The following ADARB1 variants were observed in gnomAD, a reference collection of about 807,000 sequenced individuals.
ADARB1 encodes adenosine deaminase RNA specific B1.
A neutral mutation model predicts 52.4 loss-of-function variants in ADARB1; 10 were observed. The ratio of observed to expected loss-of-function variants is 0.19; its 90% CI spans 0.12 to 0.32. The LOEUF (loss-of-function observed/expected upper bound fraction) is 0.32. Among genes scored for constraint, ADARB1 ranks in the 10% least tolerant of loss-of-function variants. The pLI is 1.00. For synonymous variants in ADARB1, 349 were observed against 371.1 expected (o/e 0.94, Z 0.68); for missense variants, 643 against 922.3 (o/e 0.70, Z 3.92).
chr21:45,131,199 T>C (rs1426319121), intron 2 of ADARB1, among the ~76,000 whole-genome samples: 1 of 152,234 alleles, frequency 6.6e-6, no homozygotes, highest in Non-Finnish European at 1.5e-5. Flanking sequence ...GCACTGCTGC[T>C]TTCACTCGGA....
chr21:45,138,778 A>G (rs756680900), intron 2 of ADARB1, among the ~76,000 whole-genome samples: 14 of 152,120 alleles, frequency 9.2e-5, no homozygotes, highest in Admixed American at 2.0e-4. Flanking sequence ...TGGTCATCCT[A>G]GAGACTGAGT....
At position 45,142,195 on chromosome 21, in the gene ADARB1, G is replaced by A. The variant is rs1044830120; in HGVS notation, c.-48+13622G>A. On this transcript the variant is annotated intron_variant, in intron 2 of 10. Transcript: ENST00000348831. The surrounding 1 kb of genome is among the most constrained non-coding windows in gnomAD (Gnocchi z 4.0). ...TATGCTACTGCAGCTAATTAAGGTC[G>A]CTCAATTCAAGTGTCTCCTTTTTTT... Among the ~76,000 whole-genome samples, 13 of 152,208 alleles carry A rather than the reference G, an allele frequency of 8.5e-5. No homozygotes were observed. Among genetic ancestry groups the A allele is most frequent in the East Asian group, 3.9e-4 (2 of 5,194 alleles).
Position 45,224,373 on chromosome 21 carries a change from T to C in ADARB1, c.*2176T>C. 1.0e-6 allele frequency: 1 copy of C among 985,434 alleles called. No individual in the cohort carries two copies. The highest frequency in any genetic ancestry group is 1.2e-6 in the Non-Finnish European group (1 of 830,086). The allele number at this position is 985,434 out of a possible 1,614,324, so 61.0% of individuals were successfully genotyped here. On this transcript the variant is annotated 3_prime_UTR_variant, in exon 11 of 11. Transcript: ENST00000348831. ...GGCCTGAGCAGCTACCTTGAGACCA[T>C]GTGAGGTGGCACCTTTCCGGGGTGG...
In ADARB1 at chr21:45,176,329, G is replaced by A; in HGVS notation, c.628G>A (p.Ala210Thr). ...FSSSGDLSLS[A>T]SPVPASLAQP... is the part of the protein sequence containing the mutation. ...TTCCAGCGGGGACCTCAGCTTGTCT[G>A]CTTCCCCGGTGCCTGCCAGCCTAGC... is the stretch of plus-strand genomic sequence containing the variant. Residue 210 changes from alanine to threonine, a missense_variant, in exon 4 of 11, where the codon GCT becomes ACT. Around this residue, in one of 2 missense-constraint regions of ADARB1, gnomAD observed 380 missense variants for 446.5 expected, o/e 0.85. Coordinates refer to ENST00000348831, the MANE Select transcript of ADARB1 (RefSeq NM_001112.4). The surrounding 1 kb of genome is among the most constrained non-coding windows in gnomAD (Gnocchi z 5.8). 6.2e-7 allele frequency: 1 copy of A among 1,613,998 alleles called. No individual in the cohort carries two copies. Among genetic ancestry groups the A allele is most frequent in the Non-Finnish European group, 8.5e-7 (1 of 1,179,912 alleles).
rs1003721080 is a variant in ADARB1, at chr21:45,128,020, C to T, written c.-219-382C>T. 6.6e-6 allele frequency among the ~76,000 whole-genome samples: 1 copy of T among 152,170 alleles called. No individual in the cohort carries two copies. Among genetic ancestry groups the T allele is most frequent in the Non-Finnish European group, 1.5e-5 (1 of 68,028 alleles). On this transcript the variant is annotated intron_variant, in intron 1 of 10. Transcript: ENST00000348831. The surrounding 1 kb of genome is among the most constrained non-coding windows in gnomAD (Gnocchi z 4.6). ...GGGATGGTGCGTCTCTGTATCTGGA[C>T]TCACATTCACATGTGTGCATGTGTA...
At chr21:45,130,210 A>G (rs529800347) in intron 2 of ADARB1, among the ~76,000 whole-genome samples, 1 of 152,352 alleles carries the variant, frequency 6.6e-6, no homozygotes, top group East Asian at 1.9e-4. Flanking sequence ...TATTTTTAAC[A>G]TGCCACAGAA....
intron 2 of ADARB1, among the ~76,000 whole-genome samples, chr21:45,140,232 T>C (rs1295141032): frequency 6.6e-6 from 1 of 152,146 alleles, no homozygotes; most frequent in African/African-American, 2.4e-5. Context: ...GTGTGCACTC[T>C]AATATATTCT....
intron 4 of ADARB1, among the ~76,000 whole-genome samples, chr21:45,178,295 A>T (rs938095503): frequency 2.0e-5 from 3 of 152,198 alleles, no homozygotes; most frequent in African/African-American, 7.2e-5. Context: ...GGCTGGAGGG[A>T]CATCTGTTGG....
chr21:45,078,937 G>C (rs2086050274), intron 1 of ADARB1, among the ~76,000 whole-genome samples: 2 of 152,150 alleles, frequency 1.3e-5, no homozygotes, highest in African/African-American at 4.8e-5. Flanking sequence ...GGAATACCTA[G>C]GCACAGAGTG....
In ADARB1 at chr21:45,220,676, G is replaced by A. The variant is rs374164628; in HGVS notation, c.1748-160G>A. On this transcript the variant is annotated intron_variant, in intron 9 of 10. Transcript: ENST00000348831. This position sits in a 1 kb window ranked among gnomAD's most constrained non-coding sequence, Gnocchi z 6.3. ...TGGAAGAGTGTGAGGCCACTGCCAC[G>A]GCAGATGCACGCTCAAGTCTGCGTA... is the stretch of plus-strand genomic sequence containing the variant. 1.4e-3 allele frequency among the ~76,000 whole-genome samples: 214 copies of A among 152,294 alleles called. 3 individuals are homozygous for A. In the South Asian group the frequency reaches 0.017, roughly 12 times the overall value.
At chr21:45,165,414 G>GA (rs34100162) in intron 2 of ADARB1, among the ~76,000 whole-genome samples, 9 of 152,156 alleles carry the variant, frequency 5.9e-5, no homozygotes, top group Middle Eastern at 3.4e-3. Flanking sequence ...CATTGCACTA[G>GA]AAAAAATGTG....
chr21:45,164,211 AT>A (rs910201000), intron 2 of ADARB1, among the ~76,000 whole-genome samples: 2 of 152,060 alleles, frequency 1.3e-5, no homozygotes, highest in Non-Finnish European at 2.9e-5. Context: ...GGATTGGTTT[AT>A]TTTTAGGAAA....
At chr21:45,074,852 G>T in intron 1 of ADARB1, 59 bp downstream of exon 1, 1 of 149,326 alleles carries the variant, frequency 6.7e-6, no homozygotes, top group South Asian at 1.9e-4. Context: ...ACCCCGCGGT[G>T]GCGGCGTTTA....
chr21:45,176,238 T>C lies in ADARB1; in HGVS notation c.537T>C (p.Gly179=). ...QADFPDTLFN[G]FETPDKAEPP... is the part of the protein sequence containing the mutation. ...ACTTCCCTGACACGCTCTTCAATGG[T>C]TTTGAAACTCCTGACAAGGCGGAGC... Residue 179 remains glycine, a synonymous_variant, in exon 4 of 11, where the codon GGT becomes GGC. Coordinates refer to ENST00000348831, the MANE Select transcript of ADARB1 (RefSeq NM_001112.4). This position sits in a 1 kb window ranked among gnomAD's most constrained non-coding sequence, Gnocchi z 5.8. The C allele has an allele frequency of 9.3e-6, 15 of 1,614,192 alleles. No individual in the cohort carries two copies. The highest frequency in any genetic ancestry group is 1.2e-5 in the Non-Finnish European group (14 of 1,180,030).
At chr21:45,141,543 G>C (rs1055489409) in intron 2 of ADARB1, among the ~76,000 whole-genome samples, 1 of 152,188 alleles carries the variant, frequency 6.6e-6, no homozygotes, top group African/African-American at 2.4e-5. Flanking sequence ...TGGGGATGGA[G>C]CTGTCCTTCA....
At chr21:45,151,211 A>G (rs995995341) in intron 2 of ADARB1, among the ~76,000 whole-genome samples, 1 of 152,238 alleles carries the variant, frequency 6.6e-6, no homozygotes, top group African/African-American at 2.4e-5. Context: ...TGCCGCTACT[A>G]GGAGAAAGTG....
At chr21:45,164,161 G>C (rs407550) in intron 2 of ADARB1, among the ~76,000 whole-genome samples, 147,425 of 152,322 alleles carry the variant, frequency 0.97, 71,371 homozygotes, top group East Asian at 1. Context: ...AGGCACCATC[G>C]AGGATGTGTA....
In ADARB1 at chr21:45,220,969, G is replaced by T; in HGVS notation, c.1881G>T (p.Leu627=). The T allele has an allele frequency of 6.2e-7, 1 of 1,613,200 alleles. No individual in the cohort carries two copies. The change falls in exon 10 of 11, where the codon CTG becomes CTT. Residue 627 remains leucine, a synonymous_variant. Coordinates refer to ENST00000348831, the MANE Select transcript of ADARB1 (RefSeq NM_001112.4). The surrounding 1 kb of genome is among the most constrained non-coding windows in gnomAD (Gnocchi z 6.3). ...GKDELGRASR[L]CKHALYCRWM... Reference sequence around the variant, plus strand: ...ATGAGCTGGGCCGCGCGTCCCGCCTGTGTAAGCACGCGTTGTACTGTCGCT... The same window carrying T: ...ATGAGCTGGGCCGCGCGTCCCGCCTTTGTAAGCACGCGTTGTACTGTCGCT...
intron 2 of ADARB1, among the ~76,000 whole-genome samples, chr21:45,138,881 G>A (rs1217892153): frequency 1.3e-5 from 2 of 151,894 alleles, no homozygotes; most frequent in Non-Finnish European, 2.9e-5. Context: ...TCAGCTCCTC[G>A]GTGGTGTCAG....
Sources: allele counts gnomAD v4.1 joint callset (sites outside exome capture counted in the v4.1 genomes callset), GRCh38; gene constraint gnomAD v4.1.1; regional missense constraint gnomAD v4.1.1; non-coding constraint Gnocchi (gnomAD v3.1); transcripts MANE v1.5; gene names NCBI Gene and HGNC (gene_info 2026-07-23, HGNC 2026-07-21).